Variants in UBE2E2 observed in about 807,000 individuals in gnomAD.
UBE2E2 encodes ubiquitin conjugating enzyme E2 E2.
Under a neutral mutation model 24.7 loss-of-function variants are expected in UBE2E2, and 6 were observed. The observed-to-expected ratio is 0.24, with a 90% CI of 0.13 to 0.48. The LOEUF (loss-of-function observed/expected upper bound fraction) is 0.48, where lower values mean the gene tolerates loss of function less well. UBE2E2 is among the 20% of genes least tolerant of loss of function. UBE2E2 has a pLI of 0.99. For synonymous variants in UBE2E2, 104 were observed against 83.6 expected (o/e 1.24, Z -1.33); for missense variants, 169 against 245.0 (o/e 0.69, Z 2.07).
intron 3 of UBE2E2, among the ~76,000 whole-genome samples, chr3:23,223,023 C>G (rs750980545): frequency 1.9e-5 from 2 of 106,438 alleles, no homozygotes; most frequent in African/African-American, 3.3e-5. Context: ...TGCCCCCCCC[C>G]CCTTTTTTTT....
At position 23,280,288 on chromosome 3, in the gene UBE2E2, C is replaced by A. The variant is rs1374219054; in HGVS notation, c.227+62976C>A. Among the ~76,000 whole-genome samples the A allele has an allele frequency of 6.6e-6, 1 of 151,910 alleles. No homozygotes were observed. The highest frequency in any genetic ancestry group is 1.5e-5 in the Non-Finnish European group (1 of 68,002). On this transcript the variant is annotated intron_variant, in intron 3 of 5. Coordinates refer to ENST00000396703, the MANE Select transcript of UBE2E2 (RefSeq NM_152653.4). The surrounding 1 kb of genome is among the most constrained non-coding windows in gnomAD (Gnocchi z 4.3). ...TCTTTTTTGGTATTCAGAATTGCAC[C>A]CCTTAGTGTAATTTTTAGTGGTGAG... is the stretch of plus-strand genomic sequence containing the variant.
chr3:23,440,005 A>G (rs968551172), intron 3 of UBE2E2, among the ~76,000 whole-genome samples: 1 of 151,248 alleles, frequency 6.6e-6, no homozygotes, highest in Admixed American at 6.6e-5. Flanking sequence ...GGCATTGTGT[A>G]TCACGCCTGT....
At chr3:23,299,036 A>T (rs1698997292) in intron 3 of UBE2E2, among the ~76,000 whole-genome samples, 3 of 152,162 alleles carry the variant, frequency 2.0e-5, no homozygotes, top group Admixed American at 6.5e-5. Context: ...TATGTCAGGG[A>T]ATTAATCCAT....
intron 5 of UBE2E2, among the ~76,000 whole-genome samples, chr3:23,573,986 TTGAC>T (rs1195139583): frequency 7.2e-5 from 11 of 152,148 alleles, no homozygotes; most frequent in Admixed American, 4.6e-4. Context: ...ACAAAACACT[TTGAC>T]TGAATAAAAA....
At chr3:23,293,197 G>A (rs1318104360) in intron 3 of UBE2E2, among the ~76,000 whole-genome samples, 3 of 152,176 alleles carry the variant, frequency 2.0e-5, no homozygotes, top group East Asian at 1.9e-4. Context: ...AACGTTAGTC[G>A]TTGTGTGGAC....
intron 3 of UBE2E2, among the ~76,000 whole-genome samples, chr3:23,332,282 A>G (rs899208563): frequency 6.6e-6 from 1 of 151,754 alleles, no homozygotes; most frequent in Non-Finnish European, 1.5e-5. Context: ...AGCTGGGACT[A>G]CAAGTGCTGT....
chr3:23,473,887 T>C (rs964376032), intron 3 of UBE2E2, among the ~76,000 whole-genome samples: 6 of 152,086 alleles, frequency 3.9e-5, no homozygotes, highest in African/African-American at 1.5e-4. Flanking sequence ...ACCTTTTTCA[T>C]ATAATGACTT....
chr3:23,261,713 T>G (rs917334228), intron 3 of UBE2E2, among the ~76,000 whole-genome samples: 1 of 152,222 alleles, frequency 6.6e-6, no homozygotes, highest in South Asian at 2.1e-4. Flanking sequence ...AGTGAAATCA[T>G]ACAGCATTTG....
chr3:23,463,145 A>G (rs746720917), intron 3 of UBE2E2, among the ~76,000 whole-genome samples: 2 of 152,076 alleles, frequency 1.3e-5, no homozygotes, highest in African/African-American at 2.4e-5. Context: ...CTTTACTTGT[A>G]AGTGCCCCTT....
At chr3:23,295,770 A>G (rs937361118) in intron 3 of UBE2E2, among the ~76,000 whole-genome samples, 4 of 152,116 alleles carry the variant, frequency 2.6e-5, no homozygotes, top group East Asian at 1.9e-4. Context: ...TTGCACTTCT[A>G]TTAAGAGTCT....
At chr3:23,329,632 G>A (rs930550546) in intron 3 of UBE2E2, among the ~76,000 whole-genome samples, 1 of 152,236 alleles carries the variant, frequency 6.6e-6, no homozygotes, top group African/African-American at 2.4e-5. Flanking sequence ...GGCTCAGACT[G>A]GCTTGCCACC....
intron 3 of UBE2E2, among the ~76,000 whole-genome samples, chr3:23,359,772 A>C (rs183724864): frequency 1.1e-4 from 17 of 152,294 alleles, no homozygotes; most frequent in Non-Finnish European, 2.2e-4. Context: ...CCTTGAGGAC[A>C]CCTTGAAAAT....
chr3:23,471,515 A>G (rs186571421), intron 3 of UBE2E2, among the ~76,000 whole-genome samples: 4 of 152,302 alleles, frequency 2.6e-5, no homozygotes, highest in African/African-American at 9.6e-5. Context: ...GCCAGCAAAT[A>G]CTCATTGGAA....
chr3:23,450,832 G>A (rs567330042), intron 3 of UBE2E2, among the ~76,000 whole-genome samples: 133 of 152,202 alleles, frequency 8.7e-4, no homozygotes, highest in African/African-American at 2.9e-3. Flanking sequence ...TATGTGCAGT[G>A]CTATTACTAA....
At chr3:23,214,500 G>A (rs986303636) in intron 2 of UBE2E2, among the ~76,000 whole-genome samples, 2 of 151,640 alleles carry the variant, frequency 1.3e-5, no homozygotes, top group Non-Finnish European at 2.9e-5. Flanking sequence ...ATCCTCCTGC[G>A]TCTGCCTCCC....
intron 5 of UBE2E2, among the ~76,000 whole-genome samples, chr3:23,556,453 TTAAAAAAA>T (rs1487638324): frequency 1.4e-5 from 1 of 69,004 alleles, no homozygotes; most frequent in Non-Finnish European, 2.9e-5. Flanking sequence ...TAAAATTTAT[TTAAAAAAA>T]AAAAAAAAAA....
rs1396027325 is a variant in UBE2E2 at position 23,474,092 on chromosome 3, A to G, written c.228-25516A>G. 6.6e-6 allele frequency among the ~76,000 whole-genome samples: 1 copy of G among 151,932 alleles called. No homozygotes were observed. The highest frequency in any genetic ancestry group is 1.5e-5 in the Non-Finnish European group (1 of 67,974). ...TATTTTTTTATTTTTTTGCGGGAGT[A>G]AGATGGTATCGCATTGTGGTTTTGA... On this transcript the variant is annotated intron_variant, in intron 3 of 5. Coordinates refer to ENST00000396703, the MANE Select transcript of UBE2E2 (RefSeq NM_152653.4). This position sits in a 1 kb window ranked among gnomAD's most constrained non-coding sequence, Gnocchi z 4.0.
intron 3 of UBE2E2, among the ~76,000 whole-genome samples, chr3:23,489,643 T>C (rs887142783): frequency 3.3e-5 from 5 of 152,168 alleles, no homozygotes; most frequent in Admixed American, 1.3e-4. Flanking sequence ...CATGGGATAA[T>C]GCGAGTAATG....
At chr3:23,210,179 G>C (rs1696281521) in intron 2 of UBE2E2, among the ~76,000 whole-genome samples, 2 of 152,164 alleles carry the variant, frequency 1.3e-5, no homozygotes, top group South Asian at 4.1e-4. Flanking sequence ...AGTCGATGTA[G>C]GTGGGAAGGA....
Sources: gnomAD v4.1 joint callset for allele counts (sites outside exome capture counted in the v4.1 genomes callset) on GRCh38, gnomAD v4.1.1 for gene constraint, Gnocchi (gnomAD v3.1) non-coding constraint, MANE v1.5 for transcripts, NCBI Gene and HGNC (gene_info 2026-07-23, HGNC 2026-07-21) for gene names.